Variants in HS6ST1 observed in about 807,000 individuals in gnomAD.
The protein encoded by HS6ST1 is heparan-sulfate 6-O-sulfotransferase 1.
In HS6ST1, 3 loss-of-function variants were observed where a neutral mutation model predicts 25.2. The ratio of observed to expected loss-of-function variants is 0.12; its 90% confidence interval spans 0.05 to 0.31. The LOEUF is 0.31. Among genes scored for constraint, HS6ST1 ranks in the 10% least tolerant of loss-of-function variants. The pLI is 1.00. For synonymous variants in HS6ST1, 204 were observed against 275.1 expected, an observed-to-expected ratio of 0.74 and a Z score of 2.56; for missense variants, 310 against 609.6, an observed-to-expected ratio of 0.51 and a Z score of 5.18.
At position 128,318,423 on chromosome 2, in the gene HS6ST1, G is replaced by T. The variant is rs1573714704; in HGVS notation, c.141C>A (p.Gly47=). The T allele has an allele frequency of 4.4e-6, 7 of 1,595,802 alleles. No homozygotes were observed. The East Asian group carries it at 1.4e-4, about 31-fold the overall frequency. ...GGTCCAGGTCGTCGGGCGGCGCGCG[G>T]CCGCCGGGCGCGCCCAGGCTCAGTC... ...GPGLSLGAPG[G]RAPPDDLDLF... The change falls in exon 1 of 2, where the codon GGC becomes GGA. Residue 47 remains glycine (G), a synonymous_variant. Transcript: ENST00000259241. The surrounding 1 kb of genome is among the most constrained non-coding windows in gnomAD (Gnocchi z 5.7).
At chr2:128,270,084 A>C (rs969761730) in intron 1 of HS6ST1, among the ~76,000 whole-genome samples, 1 of 152,202 alleles carries the variant, frequency 6.6e-6, no homozygotes, top group Non-Finnish European at 1.5e-5. Flanking sequence ...CAGGGGTGGC[A>C]GCTCTGAAGC....
intron 1 of HS6ST1, among the ~76,000 whole-genome samples, chr2:128,313,351 C>T (rs1265555612): frequency 1.3e-5 from 2 of 152,092 alleles, no homozygotes; most frequent in Admixed American, 6.6e-5. Context: ...TGCCAACCAG[C>T]GGTGGCACAC....
intron 1 of HS6ST1, among the ~76,000 whole-genome samples, chr2:128,291,369 C>G (rs1693950289): frequency 6.6e-6 from 1 of 152,234 alleles, no homozygotes; most frequent in South Asian, 2.1e-4. Context: ...GGTTTGCGCT[C>G]AGTGAGGTGT....
chr2:128,271,923 GCA>G (rs1413663045), intron 1 of HS6ST1, among the ~76,000 whole-genome samples: 5 of 152,332 alleles, frequency 3.3e-5, no homozygotes, highest in African/African-American at 1.2e-4. Context: ...CAGCACCAGA[GCA>G]CAGAGGGATG....
In HS6ST1 at chr2:128,318,496, G is replaced by C; in HGVS notation, c.68C>G (p.Ala23Gly). The C allele has an allele frequency of 6.5e-7, 1 of 1,544,800 alleles. No homozygotes were observed. Among genetic ancestry groups the C allele is most frequent in the East Asian group, 2.4e-5 (1 of 40,984 alleles). The change falls in exon 1 of 2, where the codon GCG becomes GGG. Residue 23 changes from alanine (A) to glycine (G), a missense_variant. Physicochemically the swap from Ala to Gly is moderately conservative, Grantham distance 60. Around this residue, in one of 5 missense-constraint regions of HS6ST1, gnomAD observed 63 missense variants for 105.4 expected, o/e 0.60. Transcript: ENST00000259241. This position sits in a 1 kb window ranked among gnomAD's most constrained non-coding sequence, Gnocchi z 5.7. ...GATGAGCATGAAGCACACCGAGCCC[G>C]CCACCACCAGCACGAACTTGCTGGC... ...ERASKFVLVVAGSVCFMLILY... is the reference protein window; with the variant it reads ...ERASKFVLVVGGSVCFMLILY...
chr2:128,267,153 C>T lies in HS6ST1; in HGVS notation c.*1009G>A, dbSNP rs1693531663. Reference sequence around the variant, plus strand: ...CTCCAGCCGATGGAAGCCTGATGAACTTAATCCGTACGCTGGTGGGAGCAG... The same window carrying T: ...CTCCAGCCGATGGAAGCCTGATGAATTTAATCCGTACGCTGGTGGGAGCAG... On this transcript the variant is annotated 3_prime_UTR_variant, in exon 2 of 2. Coordinates refer to ENST00000259241, the MANE Select transcript of HS6ST1 (RefSeq NM_004807.3). The T allele has an allele frequency of 6.6e-6, 1 of 152,192 alleles. No individual in the cohort carries two copies. Among genetic ancestry groups the T allele is most frequent in the Non-Finnish European group, 1.5e-5 (1 of 68,032 alleles). The allele number at this position is 152,192 out of a possible 1,614,324, so 9.4% of individuals were successfully genotyped here.
At chr2:128,306,600 C>A (rs548059180) in intron 1 of HS6ST1, among the ~76,000 whole-genome samples, 1 of 152,174 alleles carries the variant, frequency 6.6e-6, no homozygotes, top group African/African-American at 2.4e-5. Context: ...CAGCAGAAGG[C>A]GCTTTCTAAT....
chr2:128,292,545 G>A (rs1337590500), intron 1 of HS6ST1, among the ~76,000 whole-genome samples: 1 of 152,110 alleles, frequency 6.6e-6, no homozygotes, highest in Non-Finnish European at 1.5e-5. Context: ...GGATGTGGAG[G>A]GTGGTGGTGG....
intron 1 of HS6ST1, among the ~76,000 whole-genome samples, chr2:128,311,875 A>G (rs1037345298): frequency 3.3e-5 from 5 of 152,148 alleles, no homozygotes; most frequent in African/African-American, 9.7e-5. Context: ...AAACAGCCCA[A>G]TCTTATGGGG....
intron 1 of HS6ST1, among the ~76,000 whole-genome samples, chr2:128,282,945 A>C (rs1693809086): frequency 6.6e-6 from 1 of 152,214 alleles, no homozygotes; most frequent in Non-Finnish European, 1.5e-5. Context: ...TCAGGGGACC[A>C]GACACCCTGG....
At chr2:128,281,777 G>A (rs1300794816) in intron 1 of HS6ST1, among the ~76,000 whole-genome samples, 2 of 152,148 alleles carry the variant, frequency 1.3e-5, no homozygotes, top group Non-Finnish European at 2.9e-5. Flanking sequence ...TCCCGGGCGG[G>A]GCCAGGAGGG....
At chr2:128,287,411 G>A (rs1318748040) in intron 1 of HS6ST1, among the ~76,000 whole-genome samples, 2 of 152,190 alleles carry the variant, frequency 1.3e-5, no homozygotes, top group East Asian at 1.9e-4. Flanking sequence ...GTCCCCTGAC[G>A]GGCTGCTTCT....
intron 1 of HS6ST1, among the ~76,000 whole-genome samples, chr2:128,294,489 C>G (rs1259618052): frequency 6.6e-6 from 1 of 152,194 alleles, no homozygotes; most frequent in Non-Finnish European, 1.5e-5. Context: ...TCAAGAGGCG[C>G]TGGCTGTCCT....
At chr2:128,294,049 G>T (rs960111811) in intron 1 of HS6ST1, among the ~76,000 whole-genome samples, 1 of 152,186 alleles carries the variant, frequency 6.6e-6, no homozygotes, top group Non-Finnish European at 1.5e-5. Context: ...CTCCTTGAGG[G>T]CAGGGCCCTG....
intron 1 of HS6ST1, among the ~76,000 whole-genome samples, chr2:128,286,128 T>C (rs1693856721): frequency 6.6e-6 from 1 of 152,220 alleles, no homozygotes. Context: ...TACAGCACCC[T>C]GCAGGGGTGA....
In HS6ST1 at chr2:128,268,185, T is replaced by C. The variant is rs2104908339; in HGVS notation, c.1213A>G (p.Ser405Gly). 1.9e-6 allele frequency: 3 copies of C among 1,609,986 alleles called. No homozygotes were observed. The highest frequency in any genetic ancestry group is 2.5e-6 in the Non-Finnish European group (3 of 1,179,258). The change falls in exon 2 of 2, where the codon AGC (serine) becomes GGC (glycine). Residue 405 changes from serine to glycine, a missense_variant. Physicochemically the swap from Ser to Gly is moderately conservative, Grantham distance 56. Transcript: ENST00000259241. ...PGRVPTEDYM[S>G]HIIEKW ...CACTACCACTTCTCAATGATGTGGC[T>C]CATGTAGTCCTCGGTGGGCACGCGG...
At chr2:128,271,198 C>T (rs1026120551) in intron 1 of HS6ST1, among the ~76,000 whole-genome samples, 3 of 152,212 alleles carry the variant, frequency 2.0e-5, no homozygotes, top group Non-Finnish European at 2.9e-5. Context: ...GGACAGATCC[C>T]GTCAGAGGCC....
chr2:128,299,744 G>GCA, intron 1 of HS6ST1, among the ~76,000 whole-genome samples: 1 of 152,212 alleles, frequency 6.6e-6, no homozygotes, highest in African/African-American at 2.4e-5. Context: ...AGAGACAGAG[G>GCA]CACACAGGGT....
chr2:128,291,994 CT>C (rs1693959190), intron 1 of HS6ST1, among the ~76,000 whole-genome samples: 1 of 151,676 alleles, frequency 6.6e-6, no homozygotes, highest in South Asian at 2.1e-4. Flanking sequence ...CTCCTCCATC[CT>C]AGGGTGGCTG....
Sources: allele counts gnomAD v4.1 joint callset (sites outside exome capture counted in the v4.1 genomes callset), GRCh38; gene constraint gnomAD v4.1.1; regional missense constraint gnomAD v4.1.1; non-coding constraint Gnocchi (gnomAD v3.1); transcripts MANE v1.5; gene names NCBI Gene and HGNC (gene_info 2026-07-23, HGNC 2026-07-21).